CLTB: variants seen among roughly 807,000 people sequenced by gnomAD.
CLTB encodes the protein clathrin, light chain (Lcb).
Under a neutral mutation model 30.5 loss-of-function variants are expected in CLTB, and 10 were observed. That is an observed-to-expected ratio of 0.33 (90% CI 0.20 to 0.56). The LOEUF is 0.56. Ranked by LOEUF, CLTB falls within the 20% of genes least tolerant of loss-of-function variation. The pLI, the probability that CLTB is intolerant of heterozygous loss-of-function variation, is 0.91. For missense variants in CLTB, 261 were observed against 308.3 expected (o/e 0.85, Z 1.15); for synonymous variants, 102 against 120.3 (o/e 0.85, Z 1.00).
At chr5:176,411,054 T>G (rs1283271401) in intron 1 of CLTB, among the ~76,000 whole-genome samples, 1 of 152,236 alleles carries the variant, frequency 6.6e-6, no homozygotes, top group East Asian at 1.9e-4. Flanking sequence ...CTTTGCCCGC[T>G]AGGGGCAAAC....
chr5:176,398,514 C>T (rs889352834), intron 2 of CLTB, among the ~76,000 whole-genome samples: 3 of 152,006 alleles, frequency 2.0e-5, no homozygotes, highest in African/African-American at 7.2e-5. Flanking sequence ...AGTTCAAGAC[C>T]AGCCTGACCA....
chr5:176,393,535 T>C lies in CLTB; in HGVS notation c.519-590A>G, dbSNP rs557847886. Among the ~76,000 whole-genome samples, 65 of 152,316 alleles carry C rather than the reference T, an allele frequency of 4.3e-4. 3 individuals are homozygous for C. The highest frequency in any genetic ancestry group is 2.6e-3 in the Admixed American group (40 of 15,294). On this transcript the variant is annotated intron_variant, in intron 5 of 5. Transcript: ENST00000310418. This position sits in a 1 kb window ranked among gnomAD's most constrained non-coding sequence, Gnocchi z 4.4. Reference sequence around the variant, plus strand: ...ACAGCAAGACTTTCAAAGCCTTTCATGTGCTGTGTGCGTCGTGACCCTCCA... The same window carrying C: ...ACAGCAAGACTTTCAAAGCCTTTCACGTGCTGTGTGCGTCGTGACCCTCCA...
intron 2 of CLTB, chr5:176,406,289 G>A: frequency 9.5e-7 from 1 of 1,055,744 alleles, no homozygotes; most frequent in South Asian, 2.8e-5. Context: ...GCCAGGACCA[G>A]AAGGCAGGAG....
chr5:176,400,016 A>AC (rs1438857015), intron 2 of CLTB, among the ~76,000 whole-genome samples: 1 of 152,212 alleles, frequency 6.6e-6, no homozygotes, highest in Admixed American at 6.5e-5. Context: ...ACATGGTGAA[A>AC]CCCCATCTCT....
rs1381319835 is a variant in CLTB at position 176,416,519 on chromosome 5, C to G, written c.-156G>C. On this transcript the variant is annotated 5_prime_UTR_variant, in exon 1 of 6. Coordinates refer to ENST00000310418, the MANE Select transcript of CLTB (RefSeq NM_007097.5). The stretch of plus-strand genomic sequence containing the variant: ...GCGGACCGCACTTCCTCTCCGCCAC[C>G]GGGCCCGGCTGGCTGTCACTGCGGT... 4.4e-6 allele frequency: 2 copies of G among 458,842 alleles called. No individual in the cohort carries two copies. Among genetic ancestry groups the G allele is most frequent in the South Asian group, 1.1e-4 (1 of 9,516 alleles). The allele number at this position is 458,842 out of a possible 1,614,324, so 28.4% of individuals were successfully genotyped here. A position where few individuals can be genotyped will look rare whatever the true frequency, so the allele number is the denominator to read the frequency against.
intron 2 of CLTB, among the ~76,000 whole-genome samples, chr5:176,408,227 C>CTT (rs548324556): frequency 3.3e-4 from 47 of 144,220 alleles, no homozygotes; most frequent in South Asian, 2.7e-3. Context: ...GGGTTTTCCT[C>CTT]TTTTTTTTTT....
Position 176,410,309 on chromosome 5 carries a change from A to G in CLTB, c.188-6T>C. ...CCCCATGTCCTCAGAACCAGCTGGA[A>G]AGAGAACAAGGAGATAGCATTACTC... On this transcript the variant is annotated splice_region_variant and splice_polypyrimidine_tract_variant and intron_variant, in intron 1 of 5. Transcript: ENST00000310418. 6.2e-7 allele frequency: 1 copy of G among 1,613,624 alleles called. No homozygotes were observed. Among genetic ancestry groups the G allele is most frequent in the South Asian group, 1.1e-5 (1 of 91,038 alleles).
At chr5:176,394,628 C>G (rs557267124) in intron 5 of CLTB, among the ~76,000 whole-genome samples, 1 of 149,504 alleles carries the variant, frequency 6.7e-6, no homozygotes, top group East Asian at 2.0e-4. Context: ...TCCTGGCTAA[C>G]ACGGTGAAAC....
intron 2 of CLTB, chr5:176,406,420 C>A (rs1043321040): frequency 4.3e-6 from 5 of 1,161,300 alleles, no homozygotes; most frequent in Non-Finnish European, 5.4e-6. Flanking sequence ...GCGTGTGCTG[C>A]GACTCCAGGG....
At chr5:176,406,341 A>G in intron 2 of CLTB, 1 of 1,111,592 alleles carries the variant, frequency 9.0e-7, no homozygotes, top group Non-Finnish European at 1.1e-6. Context: ...AGCTCCCTAG[A>G]ATCCCTCTCC....
At chr5:176,410,357 G>A in intron 1 of CLTB, 54 bp from the exon 2 acceptor site, 1 of 1,540,704 alleles carries the variant, frequency 6.5e-7, no homozygotes. Context: ...ATAGCAAGCA[G>A]GAAATGGTCC....
intron 2 of CLTB, among the ~76,000 whole-genome samples, chr5:176,407,314 T>C (rs773005327): frequency 2.6e-5 from 4 of 152,192 alleles, no homozygotes; most frequent in Non-Finnish European, 5.9e-5. Flanking sequence ...TTCTAGGTAC[T>C]TTCTTTTTTG....
At chr5:176,405,265 G>T (rs1218825260) in intron 2 of CLTB, among the ~76,000 whole-genome samples, 3 of 152,042 alleles carry the variant, frequency 2.0e-5, no homozygotes, top group African/African-American at 7.2e-5. Context: ...TGAGCAGGAG[G>T]ACTGCTTGAG....
chr5:176,396,266 C>G (rs1561791821), intron 5 of CLTB, among the ~76,000 whole-genome samples: 1 of 152,160 alleles, frequency 6.6e-6, no homozygotes, highest in Non-Finnish European at 1.5e-5. Flanking sequence ...CTGCCTTTAT[C>G]CTGCAAGGCT....
At chr5:176,404,627 G>A (rs1307982969) in intron 2 of CLTB, among the ~76,000 whole-genome samples, 4 of 152,326 alleles carry the variant, frequency 2.6e-5, no homozygotes, top group African/African-American at 9.6e-5. Flanking sequence ...GTCCCAAGGT[G>A]CCAAGCCTGG....
At chr5:176,412,321 G>A (rs1005071739) in intron 1 of CLTB, among the ~76,000 whole-genome samples, 7 of 152,032 alleles carry the variant, frequency 4.6e-5, no homozygotes, top group African/African-American at 1.7e-4. Flanking sequence ...GGTATCCCAG[G>A]ATATCATACA....
chr5:176,406,147 G>A (rs936100157), intron 2 of CLTB: 14 of 986,400 alleles, frequency 1.4e-5, no homozygotes, highest in African/African-American at 3.5e-5. Flanking sequence ...CTGGGCTCTC[G>A]TTTAATCACC....
chr5:176,416,113 G>A lies in CLTB; in HGVS notation c.187+64C>T, dbSNP rs998153571. ...GCAGGCTCTCTTCCCTGTGCCCCTG[G>A]GCCCCGGCCGGGGTCCCCCGGGTGC... On this transcript the variant is annotated intron_variant, in intron 1 of 5. Coordinates refer to ENST00000310418, the MANE Select transcript of CLTB (RefSeq NM_007097.5). The A allele has an allele frequency of 1.1e-5, 16 of 1,405,786 alleles. No individual in the cohort carries two copies. The Admixed American group carries it at 2.0e-4, about 17-fold the overall frequency. 87.1% of individuals were successfully genotyped at this position (1,405,786 alleles called of 1,614,324 possible).
rs552685865 is a variant in CLTB, at chr5:176,392,539, C to G, written c.*235G>C. On this transcript the variant is annotated 3_prime_UTR_variant, in exon 6 of 6. Transcript: ENST00000310418. This position sits in a 1 kb window ranked among gnomAD's most constrained non-coding sequence, Gnocchi z 5.2. ...CTTTAAGCCAAGAAAAAAAATACAT[C>G]AGGAGGGACAGTCACAATTGAGTAG... The G allele has an allele frequency of 3.8e-6, 2 of 531,982 alleles. No homozygotes were observed. The highest frequency in any genetic ancestry group is 2.9e-5 in the South Asian group (1 of 34,650). The allele number at this position is 531,982 out of a possible 1,614,324, so 33.0% of individuals were successfully genotyped here. A position where few individuals can be genotyped will look rare whatever the true frequency, so the allele number is the denominator to read the frequency against.
Sources: allele counts gnomAD v4.1 joint callset (sites outside exome capture counted in the v4.1 genomes callset), GRCh38; gene constraint gnomAD v4.1.1; non-coding constraint Gnocchi (gnomAD v3.1); transcripts MANE v1.5; gene names NCBI Gene and HGNC (gene_info 2026-07-23, HGNC 2026-07-21).